The following SLC16A7 variants were observed in gnomAD, a reference collection of about 807,000 sequenced individuals.
SLC16A7 encodes the protein monocarboxylate transporter 2.
In SLC16A7, 33 loss-of-function variants were observed where a neutral mutation model predicts 34.9. The ratio of observed to expected loss-of-function variants is 0.94; its 90% CI spans 0.72 to 1.26. The LOEUF (loss-of-function observed/expected upper bound fraction) is 1.26. Ranked by LOEUF, SLC16A7 falls within the 50% of genes most tolerant of loss-of-function variation. The probability of loss-of-function intolerance (pLI) is 0.00; values close to 1 mark genes in which losing one functional copy is unlikely to be tolerated. For missense variants in SLC16A7, 573 were observed against 578.1 expected (o/e 0.99, Z 0.09); for synonymous variants, 201 against 206.6 (o/e 0.97, Z 0.23).
rs188589219 is a variant in SLC16A7 at position 59,743,054 on chromosome 12, T to C, written c.218-28165T>C. On this transcript the variant is annotated intron_variant, in intron 3 of 5. Transcript: ENST00000547379. ...TCTTTCAGAACTTAATTATGTATAA[T>C]GCTAGGCTGCAGAAGAAGCAATGCT... is the stretch of plus-strand genomic sequence containing the variant. 1.1e-3 allele frequency among the ~76,000 whole-genome samples: 169 copies of C among 152,318 alleles called. 2 individuals carry two copies. The highest frequency in any genetic ancestry group is 4.0e-3 in the African/African-American group (165 of 41,564).
chr12:59,609,292 A>G (rs1328855416), intron 1 of SLC16A7, among the ~76,000 whole-genome samples: 1 of 152,254 alleles, frequency 6.6e-6, no homozygotes, highest in Admixed American at 6.5e-5. Context: ...TTTGTACCAA[A>G]GAACCGATAA....
Position 59,782,881 on chromosome 12 carries a change from T to G in SLC16A7, c.*3202T>G, listed in dbSNP as rs541163587. 6.6e-6 allele frequency: 1 copy of G among 152,312 alleles called. No homozygotes were observed. Among genetic ancestry groups the G allele is most frequent in the South Asian group, 2.1e-4 (1 of 4,828 alleles). 9.4% of individuals were successfully genotyped at this position (152,312 alleles called of 1,614,324 possible). On this transcript the variant is annotated 3_prime_UTR_variant, in exon 6 of 6. Transcript: ENST00000547379. The stretch of plus-strand genomic sequence containing the variant: ...TACAGGACTCATAAACAATCACTTT[T>G]TTGGTGCCAAGTTTCAACCCTTTAG...
intron 1 of SLC16A7, among the ~76,000 whole-genome samples, chr12:59,641,557 A>AT (rs75924371): frequency 0.025 from 3,832 of 151,176 alleles, 116 homozygotes; most frequent in African/African-American, 0.072. Context: ...TTCTAGGGCT[A>AT]TTTTTTTTTA....
At chr12:59,609,970 C>T (rs1019458743) in intron 1 of SLC16A7, among the ~76,000 whole-genome samples, 6 of 152,136 alleles carry the variant, frequency 3.9e-5, no homozygotes, top group African/African-American at 1.2e-4. Context: ...TCATGCAATC[C>T]TTAATCATTC....
At chr12:59,700,273 A>G (rs1872728017) in intron 2 of SLC16A7, among the ~76,000 whole-genome samples, 1 of 151,656 alleles carries the variant, frequency 6.6e-6, no homozygotes, top group Non-Finnish European at 1.5e-5. Flanking sequence ...TTGGTAATTC[A>G]GTGTTCATGG....
chr12:59,698,014 A>G (rs924254217), intron 2 of SLC16A7, among the ~76,000 whole-genome samples: 1 of 151,822 alleles, frequency 6.6e-6, no homozygotes, highest in Non-Finnish European at 1.5e-5. Context: ...GGTAGTAAAT[A>G]AATCAGTAGA....
chr12:59,744,574 T>A lies in SLC16A7; in HGVS notation c.218-26645T>A, dbSNP rs377745865. 4.6e-5 allele frequency among the ~76,000 whole-genome samples: 7 copies of A among 152,262 alleles called. No homozygotes were observed. In the East Asian group the frequency reaches 1.4e-3, roughly 29 times the overall value. ...CCTGGATGCTAAACAAGAGCTCGGG[T>A]GCCACAGGTGCAGATGCTAAAGGCT... On this transcript the variant is annotated intron_variant, in intron 3 of 5. Transcript: ENST00000547379.
chr12:59,687,107 A>G (rs1236346007), intron 2 of SLC16A7, among the ~76,000 whole-genome samples: 5 of 151,974 alleles, frequency 3.3e-5, no homozygotes, highest in Admixed American at 1.3e-4. Flanking sequence ...CTAAAAAAAA[A>G]TGCTAAAGTC....
chr12:59,624,312 A>C (rs190025350), intron 1 of SLC16A7, among the ~76,000 whole-genome samples: 1 of 151,646 alleles, frequency 6.6e-6, no homozygotes, highest in Non-Finnish European at 1.5e-5. Flanking sequence ...AATAACTTAC[A>C]TATGAGCAGT....
chr12:59,656,358 G>A (rs146138413), intron 2 of SLC16A7, among the ~76,000 whole-genome samples: 139 of 152,022 alleles, frequency 9.1e-4, no homozygotes, highest in Non-Finnish European at 1.5e-3. Flanking sequence ...ATGTGCATGG[G>A]CCCAGCGTCA....
chr12:59,747,861 G>A (rs948680297), intron 3 of SLC16A7, among the ~76,000 whole-genome samples: 2 of 152,092 alleles, frequency 1.3e-5, no homozygotes, highest in Non-Finnish European at 2.9e-5. Context: ...CCTCCAACAC[G>A]GATCCTACAA....
At chr12:59,607,150 T>C (rs1452672450) in intron 1 of SLC16A7, among the ~76,000 whole-genome samples, 5 of 151,878 alleles carry the variant, frequency 3.3e-5, no homozygotes, top group African/African-American at 1.2e-4. Flanking sequence ...ACTATCGCAC[T>C]TTAGAGAAAA....
chr12:59,731,048 T>C (rs765461836), intron 3 of SLC16A7, among the ~76,000 whole-genome samples: 4 of 152,342 alleles, frequency 2.6e-5, no homozygotes, highest in Non-Finnish European at 5.9e-5. Flanking sequence ...AATGTGTTTA[T>C]GCCAAGTATC....
rs1458892932 is a variant in SLC16A7, at chr12:59,783,501, G to A, written c.*3822G>A. 6.6e-6 allele frequency: 1 copy of A among 152,126 alleles called. No individual in the cohort carries two copies. The highest frequency in any genetic ancestry group is 1.9e-4 in the East Asian group (1 of 5,194). The allele number at this position is 152,126 out of a possible 1,614,324, so 9.4% of individuals were successfully genotyped here. ...GTGCTGCCTCCCAATAGAGGCCAGA[G>A]AAGCAAAGGAAGATAAAATATAGGT... On this transcript the variant is annotated 3_prime_UTR_variant, in exon 6 of 6. Transcript: ENST00000547379.
intron 3 of SLC16A7, among the ~76,000 whole-genome samples, chr12:59,746,816 T>C (rs1002120944): frequency 1.3e-5 from 2 of 152,206 alleles, no homozygotes; most frequent in African/African-American, 4.8e-5. Flanking sequence ...ATAGTGTGTT[T>C]TTTTACTGTT....
chr12:59,629,192 A>G (rs1880070202), intron 1 of SLC16A7, among the ~76,000 whole-genome samples: 1 of 151,718 alleles, frequency 6.6e-6, no homozygotes, highest in African/African-American at 2.4e-5. Context: ...TCTAAACCTA[A>G]TCCCCTTCCA....
chr12:59,711,275 A>G lies in SLC16A7; in HGVS notation c.217+6257A>G, dbSNP rs78962198. The stretch of plus-strand genomic sequence containing the variant: ...TCTGAAGAGACAAAGTATTAACAAT[A>G]AGCACTTACTACTTTAGTCTTTTTA... On this transcript the variant is annotated intron_variant, in intron 3 of 5. Coordinates refer to ENST00000547379, the MANE Select transcript of SLC16A7 (RefSeq NM_001270623.2). 8.6e-4 allele frequency among the ~76,000 whole-genome samples: 131 copies of G among 152,320 alleles called. 1 individual carries two copies. The East Asian group carries it at 0.02, about 23-fold the overall frequency.
intron 1 of SLC16A7, among the ~76,000 whole-genome samples, chr12:59,598,815 C>T (rs1878545684): frequency 2.6e-5 from 4 of 152,316 alleles, no homozygotes; most frequent in Admixed American, 2.6e-4. Context: ...AATCCACTCA[C>T]TCCTAAGAGT....
intron 1 of SLC16A7, among the ~76,000 whole-genome samples, chr12:59,645,023 T>C (rs1880847311): frequency 6.6e-6 from 1 of 152,208 alleles, no homozygotes; most frequent in African/African-American, 2.4e-5. Context: ...CTATTATTGT[T>C]TTTCCTGGAG....
Sources: gnomAD v4.1 joint callset for allele counts (sites outside exome capture counted in the v4.1 genomes callset) on GRCh38, gnomAD v4.1.1 for gene constraint, MANE v1.5 for transcripts, NCBI Gene and HGNC (gene_info 2026-07-23, HGNC 2026-07-21) for gene names.